Variants in MTUS1 observed in about 807,000 individuals in gnomAD.
MTUS1 encodes the protein microtubule associated scaffold protein 1.
In MTUS1, 109 loss-of-function variants were observed where a neutral mutation model predicts 120.8. That is an observed-to-expected ratio of 0.90 (90% confidence interval 0.77 to 1.06). The LOEUF is 1.06. Ranked by LOEUF, MTUS1 falls within the 50% of genes least tolerant of loss-of-function variation. MTUS1 has a pLI of 0.00. For synonymous variants in MTUS1, 737 were observed against 550.5 expected, an observed-to-expected ratio of 1.34 and a Z score of -4.74; for missense variants, 2,210 against 1,486.3, an observed-to-expected ratio of 1.49 and a Z score of -8.01.
intron 6 of MTUS1, among the ~76,000 whole-genome samples, chr8:17,706,393 G>A (rs569383693): frequency 7.2e-4 from 109 of 152,076 alleles, no homozygotes; most frequent in African/African-American, 2.3e-3. Context: ...CCAACATCCC[G>A]TGCCTTAAAA....
At chr8:17,691,984 T>C (rs182363) in intron 6 of MTUS1, 125,923 of 152,212 alleles carry the variant, frequency 0.83, 52,358 homozygotes, top group East Asian at 0.99. Context: ...AACGACAAAA[T>C]AACTTGAAAG....
At chr8:17,690,162 C>T (rs1259644654) in intron 6 of MTUS1, among the ~76,000 whole-genome samples, 2 of 152,056 alleles carry the variant, frequency 1.3e-5, no homozygotes, top group East Asian at 1.9e-4. Flanking sequence ...ACAAGGAACG[C>T]TAGCAACTAG....
At chr8:17,652,802 C>T (rs574454850) in intron 12 of MTUS1, among the ~76,000 whole-genome samples, 1 of 151,116 alleles carries the variant, frequency 6.6e-6, no homozygotes, top group African/African-American at 2.4e-5. Context: ...CGCCACTACA[C>T]TCCAGCCTGA....
chr8:17,680,565 G>C (rs962757039), intron 7 of MTUS1, among the ~76,000 whole-genome samples: 5 of 149,530 alleles, frequency 3.3e-5, no homozygotes, highest in South Asian at 2.1e-4. Context: ...TTAAGTATAA[G>C]GTGAAATTCA....
At chr8:17,659,041 C>T (rs1414501056) in intron 8 of MTUS1, among the ~76,000 whole-genome samples, 1 of 152,094 alleles carries the variant, frequency 6.6e-6, no homozygotes, top group Non-Finnish European at 1.5e-5. Context: ...CTTGTTTAAC[C>T]CTCACAGAGG....
intron 6 of MTUS1, chr8:17,705,757 G>GTCTTTACTAAGTAA (rs1563236687): frequency 6.6e-6 from 1 of 152,240 alleles, no homozygotes; most frequent in African/African-American, 2.4e-5. Flanking sequence ...CTCCTGTGAT[G>GTCTTTACTAAGTAA]TCTTTACTAA....
chr8:17,799,488 C>G (rs1488158746), intron 1 of MTUS1, among the ~76,000 whole-genome samples: 1 of 152,092 alleles, frequency 6.6e-6, no homozygotes, highest in Non-Finnish European at 1.5e-5. Flanking sequence ...GCTTAACTCA[C>G]TTTTCTCAAT....
At position 17,655,915 on chromosome 8, in the gene MTUS1, C is replaced by T. The variant is rs370758570; in HGVS notation, c.3056G>A (p.Arg1019Gln). 38 of 1,614,058 alleles carry T rather than the reference C, an allele frequency of 2.4e-5. No homozygotes were observed. The highest frequency in any genetic ancestry group is 1.9e-4 in the African/African-American group (14 of 74,926). The part of the protein sequence containing the change: ...EFYTREYEKL[R>Q]DTYIEEAEKY... ...CTCTGCTTCTTCAATGTAAGTGTCC[C>T]GAAGCTTTTCATACTCCCTGGTGTA... Residue 1019 changes from arginine (R) to glutamine (Q), a missense_variant, in exon 9 of 15, where the codon CGG becomes CAG. Transcript: ENST00000693296.
At position 17,684,532 on chromosome 8, in the gene MTUS1, G is replaced by C; in HGVS notation, c.2634C>G (p.Ser878Arg). 1 of 1,613,230 alleles carries C rather than the reference G, an allele frequency of 6.2e-7. No homozygotes were observed. The highest frequency in any genetic ancestry group is 8.5e-7 in the Non-Finnish European group (1 of 1,179,684). The change falls in exon 7 of 15, where the codon AGC becomes AGG. Residue 878 changes from serine to arginine, a missense_variant. Physicochemically the swap from Ser to Arg is moderately radical, Grantham distance 110 (BLOSUM62 -1). Transcript: ENST00000693296. ...LFTALNAVEK[S>R]RQKNPRSLCI... ...ATAAGCTTCGAGGATTCTTTTGCCT[G>C]CTCTTTTCAACTGCAAAACGAATTA...
chr8:17,688,286 G>A (rs932547727), intron 6 of MTUS1, among the ~76,000 whole-genome samples: 6 of 152,332 alleles, frequency 3.9e-5, no homozygotes, highest in African/African-American at 1.4e-4. Flanking sequence ...CTGGTGCTTT[G>A]CGGGGACAGG....
rs115983407 is a variant in MTUS1, at chr8:17,725,099, A to T, written c.2288-1266T>A. 3.9e-3 allele frequency among the ~76,000 whole-genome samples: 593 copies of T among 152,096 alleles called. 3 individuals carry two copies. Among genetic ancestry groups the T allele is most frequent in the African/African-American group, 0.014 (569 of 41,498 alleles). ...TTTTTTTCCAGCTTCAAACCATTGG[A>T]ATCATCTTTTCTTCCCCAGATCCCC... On this transcript the variant is annotated intron_variant, in intron 3 of 14. Transcript: ENST00000693296.
intron 1 of MTUS1, among the ~76,000 whole-genome samples, chr8:17,797,948 CT>C (rs1444182097): frequency 6.6e-6 from 1 of 152,082 alleles, no homozygotes; most frequent in African/African-American, 2.4e-5. Flanking sequence ...CAAATAAATA[CT>C]TTGCTGAGTA....
At chr8:17,777,790 A>G (rs2050572976) in intron 1 of MTUS1, among the ~76,000 whole-genome samples, 1 of 152,342 alleles carries the variant, frequency 6.6e-6, no homozygotes, top group Non-Finnish European at 1.5e-5. Flanking sequence ...GAAATTTATT[A>G]TAGGAAATAT....
intron 1 of MTUS1, among the ~76,000 whole-genome samples, chr8:17,772,418 T>C (rs1330755405): frequency 1.3e-5 from 2 of 152,218 alleles, no homozygotes; most frequent in Admixed American, 6.5e-5. Context: ...CTACTGACTG[T>C]ACCACAGAGG....
rs1277042132 is a variant in MTUS1 at position 17,788,228 on chromosome 8, C to CCTG, written c.-155+12832_-155+12833insCAG. 3.9e-5 allele frequency among the ~76,000 whole-genome samples: 6 copies of CCTG among 152,260 alleles called. No homozygotes were observed. In the East Asian group the frequency reaches 1.2e-3, roughly 29 times the overall value. ...AAACTCATATAATTGCACACTTAAG[C>CCTG]CAGGTGCACTGCATTTCATCACACT... On this transcript the variant is annotated intron_variant, in intron 1 of 14. Coordinates refer to ENST00000693296, the MANE Select transcript of MTUS1 (RefSeq NM_001363059.2).
At chr8:17,729,057 A>C (rs2046394619) in intron 3 of MTUS1, among the ~76,000 whole-genome samples, 2 of 152,250 alleles carry the variant, frequency 1.3e-5, no homozygotes, top group Admixed American at 1.3e-4. Context: ...CACAGTTAAA[A>C]TACGAGACAT....
chr8:17,779,553 T>A (rs2050712506), intron 1 of MTUS1, among the ~76,000 whole-genome samples: 1 of 152,192 alleles, frequency 6.6e-6, no homozygotes, highest in African/African-American at 2.4e-5. Flanking sequence ...CTTATCAACG[T>A]TTCTAAATGA....
intron 4 of MTUS1, chr8:17,721,962 C>G: frequency 6.7e-7 from 1 of 1,503,262 alleles, no homozygotes; most frequent in Non-Finnish European, 8.9e-7. Flanking sequence ...TCTCATATCC[C>G]TCATGCTTGC....
At chr8:17,648,895 C>T (rs1201638427) in intron 13 of MTUS1, among the ~76,000 whole-genome samples, 1 of 152,212 alleles carries the variant, frequency 6.6e-6, no homozygotes, top group Non-Finnish European at 1.5e-5. Flanking sequence ...CTTAAGCTGC[C>T]TTGCCAAACT....
Sources: gnomAD v4.1 joint callset for allele counts (sites outside exome capture counted in the v4.1 genomes callset) on GRCh38, gnomAD v4.1.1 for gene constraint, MANE v1.5 for transcripts, NCBI Gene and HGNC (gene_info 2026-07-23, HGNC 2026-07-21) for gene names.